MEGF11: variants seen among roughly 807,000 people sequenced by gnomAD.
MEGF11 encodes the protein multiple EGF like domains 11, also known as multiple epidermal growth factor-like domains protein 11.
A neutral mutation model predicts 146.6 loss-of-function variants in MEGF11; 126 were observed. That is an observed-to-expected ratio of 0.86 (90% CI 0.74 to 1.00). The LOEUF (loss-of-function observed/expected upper bound fraction) is 1.00. Among genes scored for constraint, MEGF11 ranks in the 50% least tolerant of loss-of-function variants. The pLI, the probability that MEGF11 is intolerant of heterozygous loss-of-function variation, is 0.00. For missense variants in MEGF11, 1,509 were observed against 1,521.2 expected (o/e 0.99, Z 0.13); for synonymous variants, 532 against 583.4 (o/e 0.91, Z 1.27).
At chr15:65,914,936 C>T (rs752052866) in intron 19 of MEGF11, among the ~76,000 whole-genome samples, 5 of 152,220 alleles carry the variant, frequency 3.3e-5, no homozygotes, top group East Asian at 3.8e-4. Context: ...ACTGTCTCAA[C>T]GTGATTCTCA....
chr15:66,182,153 A>G (rs2141155192), intron 1 of MEGF11, among the ~76,000 whole-genome samples: 1 of 152,288 alleles, frequency 6.6e-6, no homozygotes, highest in East Asian at 1.9e-4. Context: ...AAGGAGATAG[A>G]CATGCCTTTT....
intron 5 of MEGF11, among the ~76,000 whole-genome samples, chr15:66,074,601 G>A (rs2085501125): frequency 1.3e-5 from 2 of 152,216 alleles, no homozygotes; most frequent in Admixed American, 6.5e-5. Context: ...TAAAATATCG[G>A]TGTGTGAAAA....
At position 65,910,001 on chromosome 15, in the gene MEGF11, A is replaced by G. The variant is rs559354276; in HGVS notation, c.2830-195T>C. ...TGTGGTTGATGCTAGTGGGAATAGA[A>G]CATACCCCACCCCAGCTGTTGGGCT... On this transcript the variant is annotated intron_variant, in intron 21 of 25. Transcript: ENST00000395614. 96 of 691,842 alleles carry G rather than the reference A, an allele frequency of 1.4e-4. No homozygotes were observed. The East Asian group carries it at 2.4e-3, about 17-fold the overall frequency. 42.9% of individuals were successfully genotyped at this position (691,842 alleles called of 1,614,324 possible). A position where few individuals can be genotyped will look rare whatever the true frequency, so the allele number is the denominator to read the frequency against.
intron 24 of MEGF11, among the ~76,000 whole-genome samples, chr15:65,904,566 A>G (rs1567148159): frequency 6.6e-6 from 1 of 151,978 alleles, no homozygotes; most frequent in Non-Finnish European, 1.5e-5. Context: ...ACATCTAATC[A>G]TCTCCCCAAA....
At chr15:66,232,219 C>A (rs2091981315) in intron 1 of MEGF11, among the ~76,000 whole-genome samples, 2 of 152,212 alleles carry the variant, frequency 1.3e-5, no homozygotes, top group African/African-American at 4.8e-5. Context: ...AGCCTGAATG[C>A]ACCAAGACCT....
intron 1 of MEGF11, among the ~76,000 whole-genome samples, chr15:66,212,690 C>T (rs192514414): frequency 1.7e-4 from 21 of 122,672 alleles, no homozygotes; most frequent in African/African-American, 4.8e-4. Context: ...TCCGCACACG[C>T]GGCATCCCCA....
chr15:66,050,560 C>A (rs1326573052), intron 5 of MEGF11, among the ~76,000 whole-genome samples: 2 of 152,144 alleles, frequency 1.3e-5, no homozygotes, highest in Non-Finnish European at 2.9e-5. Flanking sequence ...TCACACGGGG[C>A]CTTAGACACC....
chr15:65,955,773 T>TATAG (rs1567174968), intron 10 of MEGF11, among the ~76,000 whole-genome samples: 1 of 7,594 alleles, frequency 1.3e-4, no homozygotes, highest in Non-Finnish European at 5.1e-4. Context: ...TATATATATA[T>TATAG]ATATATATAT....
chr15:65,942,974 CTT>C (rs58874869), intron 10 of MEGF11, among the ~76,000 whole-genome samples: 4,543 of 46,466 alleles, frequency 0.098, 196 homozygotes, highest in East Asian at 0.35. Context: ...AACAACTTGG[CTT>C]TTTTTTTTTT....
chr15:66,047,515 C>CCTACAGCACCTACAGCACCT (rs1567217092), intron 5 of MEGF11, among the ~76,000 whole-genome samples: 4 of 152,308 alleles, frequency 2.6e-5, no homozygotes, highest in Non-Finnish European at 5.9e-5. Context: ...GAATAATAAA[C>CCTACAGCACCTACAGCACCT]ACGAACTCCC....
intron 5 of MEGF11, among the ~76,000 whole-genome samples, chr15:66,079,751 G>A (rs1482382963): frequency 1.3e-5 from 2 of 152,170 alleles, no homozygotes; most frequent in East Asian, 1.9e-4. Context: ...GCTCTCAGGT[G>A]CGTTTACCTG....
intron 1 of MEGF11, among the ~76,000 whole-genome samples, chr15:66,190,874 A>G (rs981188577): frequency 6.6e-6 from 1 of 152,180 alleles, no homozygotes; most frequent in Non-Finnish European, 1.5e-5. Context: ...TCAGTTCAAA[A>G]AAGACCCCAA....
chr15:66,077,793 T>G (rs1291522047), intron 5 of MEGF11, among the ~76,000 whole-genome samples: 1 of 152,050 alleles, frequency 6.6e-6, no homozygotes, highest in Non-Finnish European at 1.5e-5. Context: ...TCAGGGAACC[T>G]TCACAGCAGG....
intron 4 of MEGF11, among the ~76,000 whole-genome samples, chr15:66,097,081 A>C (rs373129188): frequency 6.6e-6 from 1 of 152,224 alleles, no homozygotes; most frequent in Non-Finnish European, 1.5e-5. Flanking sequence ...CCAGGGATGC[A>C]GGTGCATCTC....
intron 1 of MEGF11, among the ~76,000 whole-genome samples, chr15:66,202,053 G>A (rs181913475): frequency 4.6e-5 from 7 of 151,604 alleles, no homozygotes; most frequent in Admixed American, 3.9e-4. Flanking sequence ...AGAATTCTAG[G>A]AAAGAGGAAT....
chr15:66,020,820 G>A lies in MEGF11; in HGVS notation c.395-38332C>T, dbSNP rs190131409. On this transcript the variant is annotated intron_variant, in intron 5 of 25. Coordinates refer to ENST00000395614, the MANE Select transcript of MEGF11 (RefSeq NM_001385028.1). ...ATCTTGGCTAACACAGTGAAACCCC[G>A]TCTCTGCTAAAAATACAAAAAGTTA... Among the ~76,000 whole-genome samples the A allele has an allele frequency of 7.2e-3, 1,100 of 152,038 alleles. 3 individuals carry two copies. Among genetic ancestry groups the A allele is most frequent in the Non-Finnish European group, 9.3e-3 (631 of 67,986 alleles).
At chr15:66,066,140 A>G (rs965194459) in intron 5 of MEGF11, among the ~76,000 whole-genome samples, 6 of 152,210 alleles carry the variant, frequency 3.9e-5, no homozygotes, top group Non-Finnish European at 8.8e-5. Context: ...AAATGCCGGA[A>G]GAGGAAGCCT....
intron 5 of MEGF11, among the ~76,000 whole-genome samples, chr15:66,046,985 G>T (rs1466501000): frequency 6.6e-6 from 1 of 152,154 alleles, no homozygotes; most frequent in African/African-American, 2.4e-5. Context: ...AAGTGATATT[G>T]TCAGTGAATG....
intron 5 of MEGF11, among the ~76,000 whole-genome samples, chr15:66,066,915 G>C (rs2085153279): frequency 6.6e-6 from 1 of 152,208 alleles, no homozygotes. Flanking sequence ...CCATCTGCCT[G>C]TCACCCACAA....
Sources: allele counts gnomAD v4.1 joint callset (sites outside exome capture counted in the v4.1 genomes callset), GRCh38; gene constraint gnomAD v4.1.1; transcripts MANE v1.5; gene names NCBI Gene and HGNC (gene_info 2026-07-23, HGNC 2026-07-21).